Variants in MUC6 observed in about 807,000 individuals in gnomAD.
The protein encoded by MUC6 is mucin 6, oligomeric mucus/gel-forming (gene/pseudogene).
In MUC6, 188 loss-of-function variants were observed where a neutral mutation model predicts 201.5. The observed-to-expected ratio is 0.93, with a 90% CI of 0.83 to 1.05. The LOEUF (loss-of-function observed/expected upper bound fraction) is 1.05. Among genes scored for constraint, MUC6 ranks in the 50% least tolerant of loss-of-function variants. The pLI, the probability that MUC6 is intolerant of heterozygous loss-of-function variation, is 0.00. For synonymous variants in MUC6, 1,228 were observed against 1,389.4 expected, an observed-to-expected ratio of 0.88 and a Z score of 2.58; for missense variants, 2,706 against 3,256.9, an observed-to-expected ratio of 0.83 and a Z score of 4.12.
chr11:1,028,487 G>A (rs1029988529), intron 13 of MUC6, 100 bp from the exon 14 acceptor site: 4 of 1,543,508 alleles, frequency 2.6e-6, no homozygotes, highest in Non-Finnish European at 3.5e-6. Context: ...ACAGCACCCT[G>A]GGTGAGAGGC....
chr11:1,021,044 G>C (rs1354868690), intron 27 of MUC6, among the ~76,000 whole-genome samples, 171 bp downstream of exon 27: 2 of 152,192 alleles, frequency 1.3e-5, no homozygotes, highest in African/African-American at 4.8e-5. Flanking sequence ...GCTGGAGGCT[G>C]CCTGAGTCTC....
rs1349195744 is a variant in MUC6, at chr11:1,016,700, G to A, written c.6101C>T (p.Thr2034Ile). 1 of 1,614,134 alleles carries A rather than the reference G, an allele frequency of 6.2e-7. No individual in the cohort carries two copies. The highest frequency in any genetic ancestry group is 8.5e-7 in the Non-Finnish European group (1 of 1,179,910). Residue 2034 changes from threonine (T) to isoleucine (I), a missense_variant, in exon 31 of 33, where the codon ACT becomes ATT. This residue lies in a region of MUC6 where 20 missense variants were observed against 43.3 expected (regional missense o/e 0.46). Transcript: ENST00000421673. ...TGGCGTTGAGTGGATGGAGGCAGAAGTGGCCATCTGTGTGTGGGTAGTGAT... is the reference window on the plus strand; with the variant it reads ...TGGCGTTGAGTGGATGGAGGCAGAAATGGCCATCTGTGTGTGGGTAGTGAT... ...VIITTHTQMA[T>I]SASIHSTPTG...
rs530762124 is a variant in MUC6 at position 1,022,793 on chromosome 11, G to A, written c.3526+716C>T. On this transcript the variant is annotated intron_variant, in intron 26 of 32. Transcript: ENST00000421673. ...TGTGCAAATGAATGCATGAATGTGC[G>A]TGTGTGTATGAGCGAATGTGCATGA... is the stretch of plus-strand genomic sequence containing the variant. 4.8e-5 allele frequency among the ~76,000 whole-genome samples: 7 copies of A among 145,954 alleles called. No individual in the cohort carries two copies. The East Asian group carries it at 5.8e-4, about 12-fold the overall frequency.
At chr11:1,029,713 G>C in intron 8 of MUC6, 98 bp from the exon 9 acceptor site, 1 of 1,451,674 alleles carries the variant, frequency 6.9e-7, no homozygotes, top group East Asian at 2.5e-5. Context: ...CCTGGCTCCA[G>C]GGAGACGCCC....
Position 1,013,189 on chromosome 11 carries a change from T to G in MUC6, c.*267A>C. On this transcript the variant is annotated 3_prime_UTR_variant, in exon 33 of 33. Coordinates refer to ENST00000421673, the MANE Select transcript of MUC6 (RefSeq NM_005961.3). ...GACGGTGGGCAGGGGTGGTCGGGAG[T>G]GCCCTGTGTGCCTGGGAGGTCCGTG... The G allele has an allele frequency of 1.2e-5, 6 of 515,910 alleles. No individual in the cohort carries two copies. The highest frequency in any genetic ancestry group is 2.0e-5 in the African/African-American group (1 of 50,542). The allele number at this position is 515,910 out of a possible 1,614,324, so 32.0% of individuals were successfully genotyped here.
At position 1,035,474 on chromosome 11, in the gene MUC6, G is replaced by A. The variant is rs768002998; in HGVS notation, c.52+1130C>T. Among the ~76,000 whole-genome samples the A allele has an allele frequency of 5.3e-5, 8 of 151,022 alleles. 1 individual carries two copies. Among genetic ancestry groups the A allele is most frequent in the Non-Finnish European group, 1.2e-4 (8 of 67,956 alleles). Reference sequence around the variant, plus strand: ...GCTCAGAGACCCCCACATCTCCCACGGTTGAAGGGTGGTGCCCGGCGTGGT... The same window carrying A: ...GCTCAGAGACCCCCACATCTCCCACAGTTGAAGGGTGGTGCCCGGCGTGGT... On this transcript the variant is annotated intron_variant, in intron 1 of 32. Coordinates refer to ENST00000421673, the MANE Select transcript of MUC6 (RefSeq NM_005961.3).
chr11:1,036,239 C>A (rs1326376067), intron 1 of MUC6, among the ~76,000 whole-genome samples: 1 of 152,196 alleles, frequency 6.6e-6, no homozygotes, highest in East Asian at 1.9e-4. Flanking sequence ...GACTCAGGAC[C>A]CCACTCGGGG....
intron 7 of MUC6, 84 bp downstream of exon 7, chr11:1,030,489 C>CA: frequency 6.9e-7 from 1 of 1,440,988 alleles, no homozygotes; most frequent in East Asian, 2.5e-5. Flanking sequence ...ATGCAGGCGT[C>CA]ACGTCAGGCA....
chr11:1,015,934 G>T lies in MUC6; in HGVS notation c.6867C>A (p.Thr2289=). 6.3e-7 allele frequency: 1 copy of T among 1,598,662 alleles called. No homozygotes were observed. The highest frequency in any genetic ancestry group is 1.7e-5 in the Admixed American group (1 of 59,324). ...RVPTSGFVSL[T]SGVTGIPTSP... ...AGGTGGGGATACCCGTCACCCCCGA[G>T]GTGAGTGACACAAAGCCTGATGTGG... Residue 2289 remains threonine, a synonymous_variant, in exon 31 of 33, where the codon ACC becomes ACA. Coordinates refer to ENST00000421673, the MANE Select transcript of MUC6 (RefSeq NM_005961.3).
rs1232439085 is a variant in MUC6 at position 1,023,611 on chromosome 11, G to A, written c.3424C>T (p.His1142Tyr). 1.2e-6 allele frequency: 2 copies of A among 1,613,152 alleles called. No homozygotes were observed. Among genetic ancestry groups the A allele is most frequent in the Non-Finnish European group, 1.7e-6 (2 of 1,179,848 alleles). The change falls in exon 26 of 33, where the codon CAT (histidine) becomes TAT (tyrosine). Residue 1142 changes from histidine (H) to tyrosine (Y), a missense_variant. This residue lies in a region of MUC6 where 1,850 missense variants were observed against 1,958.3 expected (regional missense o/e 0.94). Coordinates refer to ENST00000421673, the MANE Select transcript of MUC6 (RefSeq NM_005961.3). ...GFYNTHTQDGHGEYQYTQEAN... is the reference protein window; with the variant it reads ...GFYNTHTQDGYGEYQYTQEAN... Reference sequence around the variant, plus strand: ...TCCTGTGTGTACTGGTACTCGCCATGGCCGTCCTGCGTGTGCGTGTTGTAG... The same window carrying A: ...TCCTGTGTGTACTGGTACTCGCCATAGCCGTCCTGCGTGTGCGTGTTGTAG...
chr11:1,036,246 G>A (rs933943638), intron 1 of MUC6, among the ~76,000 whole-genome samples: 11 of 152,284 alleles, frequency 7.2e-5, no homozygotes, highest in Admixed American at 2.6e-4. Flanking sequence ...GACCCCACTC[G>A]GGGAGGGAGA....
In MUC6 at chr11:1,033,166, C is replaced by G. The variant is rs751124825; in HGVS notation, c.53-91G>C. The G allele has an allele frequency of 7.8e-7, 1 of 1,285,260 alleles. No homozygotes were observed. The highest frequency in any genetic ancestry group is 1.2e-5 in the South Asian group (1 of 84,152). The allele number at this position is 1,285,260 out of a possible 1,614,324, so 79.6% of individuals were successfully genotyped here. ...CTGCTCAGGGCTGCTCCGCCCGTTT[C>G]CCTGCACACACTCGGCGTGCGAGAA... On this transcript the variant is annotated intron_variant, in intron 1 of 32. Coordinates refer to ENST00000421673, the MANE Select transcript of MUC6 (RefSeq NM_005961.3). The surrounding 1 kb of genome is among the most constrained non-coding windows in gnomAD (Gnocchi z 5.6).
Position 1,031,895 on chromosome 11 carries a change from C to A in MUC6, c.274G>T (p.Gly92Trp). The A allele has an allele frequency of 6.2e-7, 1 of 1,613,164 alleles. No individual in the cohort carries two copies. Among genetic ancestry groups the A allele is most frequent in the South Asian group, 1.1e-5 (1 of 91,072 alleles). The change falls in exon 3 of 33, where the codon GGG becomes TGG. Residue 92 changes from glycine (G) to tryptophan (W), a missense_variant. Gly to Trp is a radical substitution (Grantham distance 184). Around this residue, in one of 10 missense-constraint regions of MUC6, gnomAD observed 1,850 missense variants for 1,958.3 expected, o/e 0.94. Coordinates refer to ENST00000421673, the MANE Select transcript of MUC6 (RefSeq NM_005961.3). The stretch of plus-strand genomic sequence containing the variant: ...TCCACGATGATCCGCGAGATGCTCC[C>A]GTCTGGGCCTCGCCGCAGCTGGACA... ...FSVQLRRGPD[G>W]SISRIIVELG...
chr11:1,024,707 GAA>G, intron 24 of MUC6, 135 bp downstream of exon 24: 1 of 1,379,104 alleles, frequency 7.3e-7, no homozygotes, highest in Non-Finnish European at 9.7e-7. Flanking sequence ...CAGAGGGTCT[GAA>G]ACTCTCTGCA....
At chr11:1,031,776 GC>G (rs1395637976) in intron 3 of MUC6, 36 bp downstream of exon 3, 2 of 1,554,270 alleles carry the variant, frequency 1.3e-6, no homozygotes, top group African/African-American at 1.4e-5. Flanking sequence ...CAGTCCTCCG[GC>G]CCCCGAGCCC....
intron 1 of MUC6, among the ~76,000 whole-genome samples, chr11:1,035,693 G>GT (rs1466048767): frequency 1.3e-5 from 2 of 152,090 alleles, no homozygotes; most frequent in Non-Finnish European, 2.9e-5. Context: ...CCCTGGGGGG[G>GT]TCCCACTGTG....
Position 1,024,894 on chromosome 11 carries a change from G to A in MUC6, c.3175C>T (p.Arg1059Cys), listed in dbSNP as rs1449388234. The change falls in exon 24 of 33, where the codon CGC becomes TGC. Residue 1059 changes from arginine to cysteine, a missense_variant. Transcript: ENST00000421673. ...TGGCTGTTGATGACGCTGCACTTGC[G>A]CTCGGCCCAGGAGCGCCGGAAGGCA... ...LNAFRRSWAE[R>C]KCSVINSQTF... 12 of 1,612,688 alleles carry A rather than the reference G, an allele frequency of 7.4e-6. No homozygotes were observed. In the East Asian group the frequency reaches 2.0e-4, roughly 27 times the overall value.
At position 1,018,495 on chromosome 11, in the gene MUC6, G is replaced by A. The variant is rs755528104; in HGVS notation, c.4306C>T (p.Pro1436Ser). Reference protein sequence around the residue: ...SFHATTTYPTPSHPETTLPTH... With the variant: ...SFHATTTYPTSSHPETTLPTH... Reference sequence around the variant, plus strand: ...GGAAGTGTGGTCTCAGGGTGTGATGGGGTTGGATAGGTAGTGGTGGCATGG... The same window carrying A: ...GGAAGTGTGGTCTCAGGGTGTGATGAGGTTGGATAGGTAGTGGTGGCATGG... The change falls in exon 31 of 33, where the codon CCA (proline) becomes TCA (serine). Residue 1436 changes from proline to serine, a missense_variant. This residue lies in a region of MUC6 where 128 missense variants were observed against 206.5 expected (regional missense o/e 0.62). Transcript: ENST00000421673. The A allele has an allele frequency of 1.2e-6, 2 of 1,613,506 alleles. No homozygotes were observed. Among genetic ancestry groups the A allele is most frequent in the South Asian group, 2.2e-5 (2 of 91,064 alleles).
rs1856950129 is a variant in MUC6, at chr11:1,026,019, C to T, written c.2669G>A (p.Cys890Tyr). ...GGTTACCGTGGCCAGGATGTACTCGCAGTTGCCGTCGAATACGAAGCGCTG... is the reference window on the plus strand; with the variant it reads ...GGTTACCGTGGCCAGGATGTACTCGTAGTTGCCGTCGAATACGAAGCGCTG... ...DGQRFVFDGN[C>Y]EYILATDVCG... Residue 890 changes from cysteine (C) to tyrosine (Y), a missense_variant, in exon 21 of 33, where the codon TGC (cysteine) becomes TAC (tyrosine). Cys to Tyr is a radical substitution (Grantham distance 194, BLOSUM62 -2). Coordinates refer to ENST00000421673, the MANE Select transcript of MUC6 (RefSeq NM_005961.3). The T allele has an allele frequency of 6.3e-7, 1 of 1,587,264 alleles. No homozygotes were observed. Among genetic ancestry groups the T allele is most frequent in the African/African-American group, 1.3e-5 (1 of 74,400 alleles).
Sources: allele counts gnomAD v4.1 joint callset (sites outside exome capture counted in the v4.1 genomes callset), GRCh38; gene constraint gnomAD v4.1.1; regional missense constraint gnomAD v4.1.1; non-coding constraint Gnocchi (gnomAD v3.1); transcripts MANE v1.5; gene names NCBI Gene and HGNC (gene_info 2026-07-23, HGNC 2026-07-21).